The following IGSF11 variants were observed in gnomAD, a reference collection of about 807,000 sequenced individuals.
The protein encoded by IGSF11 is immunoglobulin superfamily member 11.
IGSF11 carries 22 observed loss-of-function variants against 41.0 expected under a neutral mutation model. That is an observed-to-expected ratio of 0.54 (90% confidence interval 0.38 to 0.77). The LOEUF is 0.77. IGSF11 is among the 30% of genes least tolerant of loss of function. IGSF11 has a pLI of 0.00. For missense variants in IGSF11, 444 were observed against 530.8 expected (o/e 0.84, Z 1.61); for synonymous variants, 219 against 201.3 (o/e 1.09, Z -0.74).
chr3:119,050,981 C>CA (rs1559837080), intron 1 of IGSF11, among the ~76,000 whole-genome samples: 1 of 122,332 alleles, frequency 8.2e-6, no homozygotes, highest in African/African-American at 3.2e-5. Context: ...GAACATCACA[C>CA]TCTGGGGAGT....
At chr3:119,005,813 G>C (rs1179663164) in intron 1 of IGSF11, among the ~76,000 whole-genome samples, 1 of 111,728 alleles carries the variant, frequency 9.0e-6, no homozygotes, top group African/African-American at 5.3e-5. Context: ...CTGGCTTGTA[G>C]GGTTTCTGCC....
At chr3:118,904,472 G>C (rs1174745141) in intron 6 of IGSF11, among the ~76,000 whole-genome samples, 176 bp downstream of exon 6, 2 of 152,086 alleles carry the variant, frequency 1.3e-5, no homozygotes. Context: ...ATGATCCAGT[G>C]AATAAAGCTG....
intron 1 of IGSF11, among the ~76,000 whole-genome samples, chr3:118,979,387 T>A (rs554531302): frequency 2.6e-5 from 4 of 152,156 alleles, no homozygotes; most frequent in South Asian, 4.1e-4. Flanking sequence ...GATTAAGACA[T>A]CCAGATACAG....
chr3:119,099,898 C>A (rs1017153735), intron 1 of IGSF11, among the ~76,000 whole-genome samples: 7 of 152,206 alleles, frequency 4.6e-5, no homozygotes, highest in Admixed American at 4.6e-4. Flanking sequence ...AGTATTGAAC[C>A]CAATGTACAC....
intron 1 of IGSF11, among the ~76,000 whole-genome samples, chr3:119,111,575 C>T (rs545482298): frequency 6.6e-6 from 1 of 152,188 alleles, no homozygotes; most frequent in East Asian, 1.9e-4. Flanking sequence ...TCATCTGAAG[C>T]CTTCTTCTCT....
At chr3:118,955,385 T>C (rs1295587973) in intron 1 of IGSF11, among the ~76,000 whole-genome samples, 2 of 152,068 alleles carry the variant, frequency 1.3e-5, no homozygotes, top group Non-Finnish European at 2.9e-5. Flanking sequence ...CCAAATATCA[T>C]GTGTTCTTAC....
chr3:119,142,762 A>G (rs999975636), intron 1 of IGSF11, among the ~76,000 whole-genome samples: 2 of 151,928 alleles, frequency 1.3e-5, no homozygotes, highest in Admixed American at 1.3e-4. Context: ...AACAAACTCC[A>G]AAAGAATAAC....
chr3:118,968,899 C>T (rs556758407), intron 1 of IGSF11, among the ~76,000 whole-genome samples: 39 of 152,304 alleles, frequency 2.6e-4, no homozygotes, highest in African/African-American at 8.7e-4. Flanking sequence ...TTTAACTTAA[C>T]TGCTAGTGTG....
At chr3:118,913,116 A>G (rs541223630) in intron 4 of IGSF11, among the ~76,000 whole-genome samples, 6 of 151,876 alleles carry the variant, frequency 4.0e-5, no homozygotes, top group African/African-American at 1.5e-4. Context: ...AAAACAAAAA[A>G]AAAACCAGAA....
At chr3:119,067,447 A>G (rs1240574836) in intron 1 of IGSF11, among the ~76,000 whole-genome samples, 1 of 152,144 alleles carries the variant, frequency 6.6e-6, no homozygotes, top group African/African-American at 2.4e-5. Flanking sequence ...TTTAAAATCT[A>G]GCAAATATTT....
chr3:118,914,153 G>A (rs1457427487), intron 4 of IGSF11, among the ~76,000 whole-genome samples: 3 of 152,046 alleles, frequency 2.0e-5, no homozygotes, highest in Non-Finnish European at 2.9e-5. Context: ...TGAAAGTAGA[G>A]GAGAAAAAAT....
At chr3:118,957,636 T>C (rs745625444) in intron 1 of IGSF11, among the ~76,000 whole-genome samples, 2 of 152,210 alleles carry the variant, frequency 1.3e-5, no homozygotes, top group Non-Finnish European at 2.9e-5. Context: ...GCTTATTTTC[T>C]CCAATCACTA....
chr3:118,920,953 A>C (rs1265560266), intron 4 of IGSF11, among the ~76,000 whole-genome samples: 1 of 152,136 alleles, frequency 6.6e-6, no homozygotes, highest in Non-Finnish European at 1.5e-5. Flanking sequence ...CATCAAGTAC[A>C]TGGGCACACG....
intron 1 of IGSF11, among the ~76,000 whole-genome samples, chr3:118,998,580 A>C (rs1049192016): frequency 7.1e-6 from 1 of 141,464 alleles, no homozygotes; most frequent in Non-Finnish European, 1.5e-5. Context: ...TATTATTTGC[A>C]AAAAAAAAAA....
intron 1 of IGSF11, among the ~76,000 whole-genome samples, chr3:119,018,522 T>TTAATA (rs1938972560): frequency 6.6e-6 from 1 of 152,226 alleles, no homozygotes; most frequent in Non-Finnish European, 1.5e-5. Context: ...GGCACTTTAT[T>TTAATA]ATTTTTACAT....
intron 1 of IGSF11, among the ~76,000 whole-genome samples, chr3:119,134,212 C>CA (rs2077524512): frequency 1.3e-5 from 2 of 152,024 alleles, no homozygotes; most frequent in Admixed American, 1.3e-4. Flanking sequence ...AAGTTCTGGC[C>CA]AAGGCAATCA....
chr3:119,105,932 A>C (rs56801444), upstream of IGSF11, among the ~76,000 whole-genome samples: 2,983 of 152,148 alleles, frequency 0.02, 100 homozygotes, highest in African/African-American at 0.068. Context: ...ACCCCAACCA[A>C]CAAGCTTTCT....
Position 119,142,850 on chromosome 3 carries a change from A to T in IGSF11, c.-14+2963T>A, listed in dbSNP as rs941161147. Among the ~76,000 whole-genome samples, 5 of 152,320 alleles carry T rather than the reference A, an allele frequency of 3.3e-5. 1 individual carries two copies. The highest frequency in any genetic ancestry group is 3.9e-4 in the East Asian group (2 of 5,192). On this transcript the variant is annotated intron_variant, in intron 1 of 7. Coordinates refer to the IGSF11 transcript ENST00000425327. Reference sequence around the variant, plus strand: ...TTTTGAAAGAGAAAATATTGAAAGGAGCAAAAAAGAAGTGATTCCTCACAT... The same window carrying T: ...TTTTGAAAGAGAAAATATTGAAAGGTGCAAAAAAGAAGTGATTCCTCACAT...
intron 1 of IGSF11, among the ~76,000 whole-genome samples, chr3:118,990,079 T>C (rs1025997779): frequency 2.6e-5 from 4 of 152,132 alleles, no homozygotes; most frequent in African/African-American, 7.2e-5. Flanking sequence ...GAAAGTTAGG[T>C]TACAAAGAGA....
Sources: allele counts gnomAD v4.1 joint callset (sites outside exome capture counted in the v4.1 genomes callset), GRCh38; gene constraint gnomAD v4.1.1; transcripts MANE v1.5; gene names NCBI Gene and HGNC (gene_info 2026-07-23, HGNC 2026-07-21).